Variants in MAMDC2 observed in about 807,000 individuals in gnomAD.
MAMDC2 encodes the protein MAM domain-containing protein 2.
MAMDC2 carries 57 observed loss-of-function variants against 89.8 expected under a neutral mutation model. The observed-to-expected ratio is 0.63, with a 90% CI of 0.51 to 0.79. MAMDC2 has a LOEUF of 0.79. Ranked by LOEUF, MAMDC2 falls within the 30% of genes least tolerant of loss-of-function variation. The probability of loss-of-function intolerance (pLI) is 0.00; values close to 1 mark genes in which losing one functional copy is unlikely to be tolerated. For missense variants in MAMDC2, 800 were observed against 820.6 expected, an observed-to-expected ratio of 0.97 and a Z score of 0.31; for synonymous variants, 313 against 293.4, an observed-to-expected ratio of 1.07 and a Z score of -0.68.
intron 10 of MAMDC2, chr9:70,170,068 G>C (rs1387775691): frequency 6.3e-6 from 1 of 157,896 alleles, no homozygotes; most frequent in African/African-American, 2.4e-5. Flanking sequence ...AGCAACTGTG[G>C]AGTTGTTATG....
chr9:70,171,503 A>T (rs950407797), intron 11 of MAMDC2, among the ~76,000 whole-genome samples: 16 of 152,142 alleles, frequency 1.1e-4, no homozygotes, highest in African/African-American at 3.9e-4. Flanking sequence ...TGTCTCGAAA[A>T]AAATAAATAA....
chr9:70,218,497 A>G lies in MAMDC2; in HGVS notation c.1812A>G (p.Glu604=), dbSNP rs374575433. The G allele has an allele frequency of 2.1e-5, 34 of 1,614,114 alleles. No homozygotes were observed. The African/African-American group carries it at 3.9e-4, about 18-fold the overall frequency. The change falls in exon 12 of 14, where the codon GAA becomes GAG. Residue 604 remains glutamate (E), a synonymous_variant. Coordinates refer to ENST00000377182, the MANE Select transcript of MAMDC2 (RefSeq NM_153267.5). The stretch of plus-strand genomic sequence containing the variant: ...TGCTGAGTGTTTATCTGAAAAAGGA[A>G]GAAGACAGTGAAGAGTCCCTCTTAT... ...TGLLSVYLKK[E]EDSEESLLWR...
At chr9:70,216,748 TAA>T (rs373491931) in intron 11 of MAMDC2, among the ~76,000 whole-genome samples, 109 of 152,342 alleles carry the variant, frequency 7.2e-4, no homozygotes, top group African/African-American at 2.5e-3. Flanking sequence ...GGGCCTTTTT[TAA>T]AATGGGCCTC....
intron 11 of MAMDC2, among the ~76,000 whole-genome samples, chr9:70,187,474 T>C (rs1333925132): frequency 6.6e-6 from 1 of 152,192 alleles, no homozygotes; most frequent in Non-Finnish European, 1.5e-5. Context: ...GCATTCCAAA[T>C]AATTCATTTT....
intron 11 of MAMDC2, chr9:70,172,155 T>C (rs901215962): frequency 6.6e-6 from 1 of 152,242 alleles, no homozygotes; most frequent in Non-Finnish European, 1.5e-5. Flanking sequence ...AACAATTAGA[T>C]ATTCAGGTAT....
At chr9:70,163,227 T>TTA (rs1305796501) in intron 9 of MAMDC2, among the ~76,000 whole-genome samples, 5 of 65,654 alleles carry the variant, frequency 7.6e-5, no homozygotes, top group African/African-American at 2.9e-4. Context: ...ATTTCTTTCT[T>TTA]TCTTTTTTTT....
At chr9:70,163,714 G>A (rs540071781) in intron 9 of MAMDC2, among the ~76,000 whole-genome samples, 1 of 152,164 alleles carries the variant, frequency 6.6e-6, no homozygotes, top group East Asian at 1.9e-4. Context: ...AGCACTCTGG[G>A]AGGCTGAGGC....
chr9:70,169,306 G>T (rs182506667), intron 10 of MAMDC2, among the ~76,000 whole-genome samples: 2 of 152,294 alleles, frequency 1.3e-5, no homozygotes, highest in Non-Finnish European at 2.9e-5. Flanking sequence ...ATGGTAGCTA[G>T]CTATGTGTCA....
intron 6 of MAMDC2, among the ~76,000 whole-genome samples, chr9:70,131,161 A>C (rs943205747): frequency 2.0e-5 from 3 of 152,196 alleles, no homozygotes; most frequent in Admixed American, 2.0e-4. Flanking sequence ...CAGAAGGGGC[A>C]AATGAGCTCC....
intron 9 of MAMDC2, among the ~76,000 whole-genome samples, chr9:70,163,229 CTTTTTTTTT>C (rs66957093): frequency 8.0e-6 from 1 of 125,128 alleles, no homozygotes; most frequent in African/African-American, 3.0e-5. Flanking sequence ...TTCTTTCTTT[CTTTTTTTTT>C]TTTTTTTTTA....
chr9:70,076,016 C>T (rs1010336446), intron 2 of MAMDC2, among the ~76,000 whole-genome samples: 7 of 152,212 alleles, frequency 4.6e-5, no homozygotes, highest in African/African-American at 1.2e-4. Context: ...TGTCCAGTGA[C>T]GTTACAAAGG....
chr9:70,153,558 T>C (rs1337362692), intron 9 of MAMDC2: 1 of 152,236 alleles, frequency 6.6e-6, no homozygotes, highest in Non-Finnish European at 1.5e-5. Context: ...GAACTCGATA[T>C]TGTGTTCATT....
chr9:70,191,778 T>C (rs1174644994), intron 11 of MAMDC2, among the ~76,000 whole-genome samples: 1 of 152,158 alleles, frequency 6.6e-6, no homozygotes, highest in East Asian at 1.9e-4. Flanking sequence ...CTCTCCTCCT[T>C]AGTATGTACT....
At chr9:70,080,902 T>C (rs1827637078) in intron 2 of MAMDC2, among the ~76,000 whole-genome samples, 1 of 152,120 alleles carries the variant, frequency 6.6e-6, no homozygotes, top group South Asian at 2.1e-4. Flanking sequence ...GGGTTACTGG[T>C]CCGGTTAGGT....
intron 11 of MAMDC2, among the ~76,000 whole-genome samples, chr9:70,195,877 C>G (rs951356251): frequency 7.9e-5 from 12 of 152,036 alleles, no homozygotes; most frequent in African/African-American, 2.7e-4. Context: ...CAATTGTATG[C>G]TAAGTTTGCT....
intron 11 of MAMDC2, among the ~76,000 whole-genome samples, chr9:70,212,569 C>A (rs73452711): frequency 6.6e-6 from 1 of 152,192 alleles, no homozygotes; most frequent in Non-Finnish European, 1.5e-5. Context: ...CGACCCCTTG[C>A]GCTTTCCGGG....
At chr9:70,204,929 A>G (rs2094400) in intron 11 of MAMDC2, among the ~76,000 whole-genome samples, 11,930 of 152,180 alleles carry the variant, frequency 0.078, 624 homozygotes, top group East Asian at 0.22. Flanking sequence ...CATGGTGCGC[A>G]CACCCACTGG....
chr9:70,166,422 A>G (rs1170032943), intron 9 of MAMDC2, among the ~76,000 whole-genome samples: 1 of 151,788 alleles, frequency 6.6e-6, no homozygotes, highest in Non-Finnish European at 1.5e-5. Context: ...GTCTAACATA[A>G]TTGTTGTAAA....
chr9:70,059,134 A>G (rs1827089845), intron 2 of MAMDC2, among the ~76,000 whole-genome samples: 1 of 152,202 alleles, frequency 6.6e-6, no homozygotes, highest in Admixed American at 6.5e-5. Context: ...AAAAAGGCAT[A>G]TGAACTCAAA....
Sources: gnomAD v4.1 joint callset for allele counts (sites outside exome capture counted in the v4.1 genomes callset) on GRCh38, gnomAD v4.1.1 for gene constraint, MANE v1.5 for transcripts, NCBI Gene and HGNC (gene_info 2026-07-23, HGNC 2026-07-21) for gene names.